Variants in MANBA observed in about 807,000 individuals in gnomAD.
The protein encoded by MANBA is beta-mannosidase.
MANBA carries 83 observed loss-of-function variants against 111.1 expected under a neutral mutation model. That is an observed-to-expected ratio of 0.75 (90% CI 0.63 to 0.90). The LOEUF (loss-of-function observed/expected upper bound fraction) is 0.90. Among genes scored for constraint, MANBA ranks in the 40% least tolerant of loss-of-function variants. The probability of loss-of-function intolerance (pLI) is 0.00; values close to 1 mark genes in which losing one functional copy is unlikely to be tolerated. For missense variants in MANBA, 1,036 were observed against 1,069.0 expected (o/e 0.97, Z 0.43); for synonymous variants, 370 against 378.7 (o/e 0.98, Z 0.27).
chr4:102,683,497 C>T (rs200549463), intron 7 of MANBA, among the ~76,000 whole-genome samples: 1 of 152,034 alleles, frequency 6.6e-6, no homozygotes, highest in East Asian at 1.9e-4. Flanking sequence ...TCCATAAAGG[C>T]AAGCCATAAT....
chr4:102,727,044 T>G (rs1233823651), intron 1 of MANBA, among the ~76,000 whole-genome samples: 1 of 152,216 alleles, frequency 6.6e-6, no homozygotes, highest in Non-Finnish European at 1.5e-5. Context: ...CCCAAAGTGC[T>G]AGGATTACAG....
Position 102,631,928 on chromosome 4 carries a change from G to A in MANBA, c.*129C>T, listed in dbSNP as rs1196005734. The A allele has an allele frequency of 2.0e-5, 16 of 808,988 alleles. No homozygotes were observed. The highest frequency in any genetic ancestry group is 4.3e-5 in the South Asian group (3 of 70,212). 50.1% of individuals were successfully genotyped at this position (808,988 alleles called of 1,614,324 possible). ...GTGTACAACTCTTCACAGAGCAATC[G>A]CTCAAATGCGTGGCAGCACGCAGAC... On this transcript the variant is annotated 3_prime_UTR_variant, in exon 17 of 17. Transcript: ENST00000647097.
chr4:102,671,518 A>G (rs1046689117), intron 8 of MANBA, 120 bp from the exon 9 acceptor site: 8 of 692,274 alleles, frequency 1.2e-5, no homozygotes, highest in Admixed American at 2.4e-5. Flanking sequence ...TTTGGTTACA[A>G]TGTAAATTAA....
At chr4:102,663,164 A>T (rs1231182092) in intron 11 of MANBA, 1 of 151,814 alleles carries the variant, frequency 6.6e-6, no homozygotes, top group Non-Finnish European at 1.5e-5. Flanking sequence ...CCCCAAAGAA[A>T]TATTTTAACT....
chr4:102,696,960 C>G (rs972374755), intron 5 of MANBA, among the ~76,000 whole-genome samples: 1 of 152,070 alleles, frequency 6.6e-6, no homozygotes, highest in Non-Finnish European at 1.5e-5. Flanking sequence ...TTGCGTTAGC[C>G]AAAAATGTTG....
chr4:102,721,871 A>C (rs1036026193), intron 4 of MANBA, among the ~76,000 whole-genome samples: 1 of 151,942 alleles, frequency 6.6e-6, no homozygotes, highest in African/African-American at 2.4e-5. Flanking sequence ...CTACAAAAAA[A>C]ATACAAAAAT....
At chr4:102,638,804 C>T (rs1187174455) in intron 14 of MANBA, among the ~76,000 whole-genome samples, 1 of 152,176 alleles carries the variant, frequency 6.6e-6, no homozygotes, top group Non-Finnish European at 1.5e-5. Context: ...AGTCATCCAT[C>T]TGGCACTAAT....
chr4:102,667,057 T>G (rs73834899), intron 10 of MANBA: 1 of 152,222 alleles, frequency 6.6e-6, no homozygotes, highest in East Asian at 1.9e-4. Flanking sequence ...CTTATCTTTA[T>G]TGAATCTCAA....
intron 2 of MANBA, among the ~76,000 whole-genome samples, chr4:102,726,262 C>G (rs1233546677): frequency 6.6e-6 from 1 of 152,058 alleles, no homozygotes; most frequent in East Asian, 1.9e-4. Flanking sequence ...GGCTTCACCA[C>G]ATAGTATAGG....
At chr4:102,750,320 T>A (rs927107576) in intron 1 of MANBA, among the ~76,000 whole-genome samples, 2 of 152,116 alleles carry the variant, frequency 1.3e-5, no homozygotes, top group African/African-American at 2.4e-5. Context: ...GTTTTTTTTT[T>A]ATTTAAAAAA....
intron 1 of MANBA, among the ~76,000 whole-genome samples, chr4:102,759,088 T>C (rs1008440424): frequency 2.6e-5 from 4 of 152,272 alleles, no homozygotes; most frequent in South Asian, 4.1e-4. Context: ...CACAATAATC[T>C]GACTTACTGA....
rs28656254 is a variant in MANBA at position 102,671,160 on chromosome 4, A to G, written c.1230+121T>C. ...TTTACAAGATGCCATTTATTCCTAT[A>G]GCCCCAAATGGAATATCATTCCTAG... On this transcript the variant is annotated intron_variant, in intron 9 of 16. Transcript: ENST00000647097. 1,237 of 747,372 alleles carry G rather than the reference A, an allele frequency of 1.7e-3. 10 individuals are homozygous for G. In the African/African-American group the frequency reaches 0.019, roughly 12 times the overall value. The allele number at this position is 747,372 out of a possible 1,614,324, so 46.3% of individuals were successfully genotyped here.
chr4:102,651,201 C>G (rs1730317928), intron 12 of MANBA, among the ~76,000 whole-genome samples: 1 of 151,934 alleles, frequency 6.6e-6, no homozygotes, highest in Non-Finnish European at 1.5e-5. Context: ...TTACACTGTT[C>G]ACTTGTTTCT....
intron 1 of MANBA, among the ~76,000 whole-genome samples, chr4:102,740,598 A>T (rs1456761760): frequency 3.9e-5 from 6 of 152,218 alleles, no homozygotes; most frequent in Non-Finnish European, 8.8e-5. Flanking sequence ...AAAAACAGGA[A>T]CATAGACCAG....
At chr4:102,671,131 T>C (rs1731476244) in intron 9 of MANBA, 150 bp downstream of exon 9, 1 of 644,180 alleles carries the variant, frequency 1.6e-6, no homozygotes, top group South Asian at 1.7e-5. Flanking sequence ...CCTATGGCTC[T>C]TGGTTTACAA....
chr4:102,752,437 A>G, intron 1 of MANBA: 1 of 818,308 alleles, frequency 1.2e-6, no homozygotes, highest in East Asian at 2.5e-5. Context: ...ATGGTCTCCT[A>G]CCCATGAACA....
At chr4:102,646,534 GAAT>G (rs1730112633) in intron 13 of MANBA, among the ~76,000 whole-genome samples, 1 of 152,114 alleles carries the variant, frequency 6.6e-6, no homozygotes, top group Non-Finnish European at 1.5e-5. Flanking sequence ...GACACATGAA[GAAT>G]AAACAAAAGC....
At position 102,714,428 on chromosome 4, in the gene MANBA, T is replaced by G. The variant is rs1393488764; in HGVS notation, c.673+10A>C. ...TCAAAAAGAAAAAAAAATCACATCT[T>G]TCAGCTTACCATATATTGGGGAAAA... On this transcript the variant is annotated intron_variant, in intron 5 of 16. Coordinates refer to ENST00000647097, the MANE Select transcript of MANBA (RefSeq NM_005908.4). 1 of 1,603,084 alleles carries G rather than the reference T, an allele frequency of 6.2e-7. No individual in the cohort carries two copies. Among genetic ancestry groups the G allele is most frequent in the Admixed American group, 1.7e-5 (1 of 59,978 alleles).
intron 5 of MANBA, among the ~76,000 whole-genome samples, chr4:102,699,686 C>T (rs1732921588): frequency 6.6e-6 from 1 of 150,396 alleles, no homozygotes; most frequent in South Asian, 2.1e-4. Flanking sequence ...ATTGAACCAG[C>T]CTTGCATCCC....
Sources: allele counts gnomAD v4.1 joint callset (sites outside exome capture counted in the v4.1 genomes callset), GRCh38; gene constraint gnomAD v4.1.1; transcripts MANE v1.5; gene names NCBI Gene and HGNC (gene_info 2026-07-23, HGNC 2026-07-21).